LINGO2: variants seen among roughly 807,000 people sequenced by gnomAD.
The protein encoded by LINGO2 is leucine rich repeat and Ig domain containing 2.
Under a neutral mutation model 30.6 loss-of-function variants are expected in LINGO2, and 14 were observed. The ratio of observed to expected loss-of-function variants is 0.46; its 90% confidence interval spans 0.30 to 0.72. The LOEUF (loss-of-function observed/expected upper bound fraction) is 0.72, where lower values mean the gene tolerates loss of function less well. Ranked by LOEUF, LINGO2 falls within the 30% of genes least tolerant of loss-of-function variation. The pLI, the probability that LINGO2 is intolerant of heterozygous loss-of-function variation, is 0.07. For synonymous variants in LINGO2, 317 were observed against 288.5 expected (o/e 1.10, Z -1.00); for missense variants, 729 against 751.7 (o/e 0.97, Z 0.35).
intron 4 of LINGO2, among the ~76,000 whole-genome samples, chr9:28,102,169 A>AAGGC (rs560316139): frequency 9.7e-5 from 12 of 123,998 alleles, no homozygotes; most frequent in Non-Finnish European, 2.0e-4. Context: ...AGCCCTGGGA[A>AAGGC]AGGCTGTATT....
chr9:28,880,179 GT>G, the LINGO2 span, among the ~76,000 whole-genome samples: 1 of 152,100 alleles, frequency 6.6e-6, no homozygotes, highest in Non-Finnish European at 1.5e-5. Context: ...CACGATCTTT[GT>G]TCACTGCAAC....
intron 1 of LINGO2, among the ~76,000 whole-genome samples, chr9:28,517,167 G>A (rs919926895): frequency 6.6e-6 from 1 of 152,172 alleles, no homozygotes; most frequent in Non-Finnish European, 1.5e-5. Context: ...AGACAGAAAG[G>A]TCTTTCTTAC....
the LINGO2 span, among the ~76,000 whole-genome samples, chr9:28,948,622 C>G: frequency 0.16 from 24,942 of 151,912 alleles, 2,076 homozygotes; most frequent in South Asian, 0.2. Flanking sequence ...ACAATGAAAT[C>G]ACATTTATTT....
chr9:28,394,650 G>T (rs1034368726), intron 2 of LINGO2, among the ~76,000 whole-genome samples: 7 of 152,194 alleles, frequency 4.6e-5, no homozygotes, highest in Non-Finnish European at 1.0e-4. Flanking sequence ...TCCATCAGAA[G>T]ATGTATGGGG....
At position 28,350,480 on chromosome 9, in the gene LINGO2, G is replaced by A. The variant is rs1204345220; in HGVS notation, c.-246+22356C>T. Among the ~76,000 whole-genome samples, 7 of 148,862 alleles carry A rather than the reference G, an allele frequency of 4.7e-5. No homozygotes were observed. The East Asian group carries it at 1.2e-3, about 25-fold the overall frequency. On this transcript the variant is annotated intron_variant, in intron 3 of 5. Coordinates refer to ENST00000379992, the Ensembl canonical transcript of LINGO2. The stretch of plus-strand genomic sequence containing the variant: ...CTAAATATATATGCACCCAATACAG[G>A]AGCACCAAGATTCATAAAGCGAGTC...
the LINGO2 span, among the ~76,000 whole-genome samples, chr9:28,862,220 T>G: frequency 4.6e-5 from 7 of 152,202 alleles, no homozygotes; most frequent in East Asian, 1.4e-3. Context: ...CTGTGGATTT[T>G]GCTTATGAAC....
At chr9:28,000,300 C>T (rs1821882491) in intron 5 of LINGO2, among the ~76,000 whole-genome samples, 1 of 152,030 alleles carries the variant, frequency 6.6e-6, no homozygotes. Flanking sequence ...AGGATGCTAG[C>T]TTTACTGGGA....
intron 4 of LINGO2, among the ~76,000 whole-genome samples, chr9:28,108,334 T>G (rs1435844664): frequency 1.3e-5 from 2 of 152,124 alleles, no homozygotes; most frequent in Non-Finnish European, 2.9e-5. Flanking sequence ...TTGAAGAGTC[T>G]TCAGGCAGCC....
chr9:28,718,724 C>T, the LINGO2 span, among the ~76,000 whole-genome samples: 1 of 152,060 alleles, frequency 6.6e-6, no homozygotes, highest in Non-Finnish European at 1.5e-5. Flanking sequence ...GTGACACTTA[C>T]TGGCATACTT....
At chr9:28,988,332 G>A in the LINGO2 span, among the ~76,000 whole-genome samples, 1 of 152,042 alleles carries the variant, frequency 6.6e-6, no homozygotes, top group South Asian at 2.1e-4. Flanking sequence ...TATTTTGTCT[G>A]TGATAAGAAT....
At chr9:29,016,674 A>G in the LINGO2 span, among the ~76,000 whole-genome samples, 1 of 152,196 alleles carries the variant, frequency 6.6e-6, no homozygotes, top group African/African-American at 2.4e-5. Flanking sequence ...AAAAGCATCT[A>G]TAGCTACTTC....
chr9:28,451,171 G>C (rs1040164184), intron 2 of LINGO2, among the ~76,000 whole-genome samples: 14 of 151,726 alleles, frequency 9.2e-5, no homozygotes, highest in African/African-American at 3.4e-4. Context: ...ATTTCCCTGT[G>C]TTTATAAGAA....
chr9:28,997,217 C>A, the LINGO2 span, among the ~76,000 whole-genome samples: 5 of 151,426 alleles, frequency 3.3e-5, no homozygotes, highest in Non-Finnish European at 5.9e-5. Context: ...CTGCTTGAGG[C>A]CAGGAGTTCA....
the LINGO2 span, among the ~76,000 whole-genome samples, chr9:28,722,231 A>C: frequency 2.0e-5 from 3 of 152,192 alleles, no homozygotes; most frequent in Admixed American, 1.3e-4. Context: ...ATAGTCAAAC[A>C]AAGTGTACAA....
chr9:29,195,843 A>G, the LINGO2 span, among the ~76,000 whole-genome samples: 1 of 152,142 alleles, frequency 6.6e-6, no homozygotes, highest in African/African-American at 2.4e-5. Context: ...TGGCATTTTT[A>G]ATACCACAGA....
the LINGO2 span, among the ~76,000 whole-genome samples, chr9:29,026,641 T>C: frequency 1.6e-4 from 24 of 152,192 alleles, no homozygotes; most frequent in African/African-American, 5.8e-4. Context: ...AAAAATATTA[T>C]GAATTACTTC....
At chr9:28,459,748 A>G (rs1466784274) in intron 2 of LINGO2, among the ~76,000 whole-genome samples, 1 of 152,082 alleles carries the variant, frequency 6.6e-6, no homozygotes, top group Admixed American at 6.6e-5. Context: ...GCATTCTTAT[A>G]AGACTGTTGC....
the LINGO2 span, among the ~76,000 whole-genome samples, chr9:29,197,765 G>C: frequency 6.6e-6 from 1 of 152,052 alleles, no homozygotes; most frequent in Non-Finnish European, 1.5e-5. Flanking sequence ...TAATCAATCA[G>C]TCTAAAAGAT....
the LINGO2 span, among the ~76,000 whole-genome samples, chr9:29,006,640 T>C: frequency 6.6e-6 from 1 of 152,232 alleles, no homozygotes; most frequent in South Asian, 2.1e-4. Flanking sequence ...TTTTCCTTTT[T>C]TCTTTTTCTT....
Sources: gnomAD v4.1 joint callset for allele counts (sites outside exome capture counted in the v4.1 genomes callset) on GRCh38, gnomAD v4.1.1 for gene constraint, MANE v1.5 for transcripts, NCBI Gene and HGNC (gene_info 2026-07-23, HGNC 2026-07-21) for gene names.